Variants in NTM observed in about 807,000 individuals in gnomAD.
NTM encodes the protein IgLON family member 2.
A neutral mutation model predicts 42.1 loss-of-function variants in NTM; 13 were observed. The ratio of observed to expected loss-of-function variants is 0.31; its 90% CI spans 0.20 to 0.49. The LOEUF (loss-of-function observed/expected upper bound fraction) is 0.49. Ranked by LOEUF, NTM falls within the 20% of genes least tolerant of loss-of-function variation. The probability of loss-of-function intolerance (pLI) is 0.99; values close to 1 mark genes in which losing one functional copy is unlikely to be tolerated. For synonymous variants in NTM, 187 were observed against 179.2 expected, an observed-to-expected ratio of 1.04 and a Z score of -0.35; for missense variants, 373 against 452.8, an observed-to-expected ratio of 0.82 and a Z score of 1.60.
intron 1 of NTM, among the ~76,000 whole-genome samples, chr11:131,848,866 C>A (rs1352066397): frequency 1.3e-5 from 2 of 152,136 alleles, no homozygotes; most frequent in African/African-American, 4.8e-5. Flanking sequence ...GTTTTTCTCA[C>A]AAACCAGGGA....
chr11:131,998,872 C>T (rs751270418), intron 2 of NTM, among the ~76,000 whole-genome samples: 10 of 152,106 alleles, frequency 6.6e-5, no homozygotes, highest in East Asian at 1.9e-4. Flanking sequence ...ACCATACCAG[C>T]GTGGGTATTA....
chr11:131,959,641 C>T (rs2061924467), intron 2 of NTM, among the ~76,000 whole-genome samples: 1 of 152,070 alleles, frequency 6.6e-6, no homozygotes, highest in Admixed American at 6.5e-5. Context: ...CAATACTTTA[C>T]CTTGTTTTCC....
At chr11:132,040,986 A>G (rs777727912) in intron 2 of NTM, among the ~76,000 whole-genome samples, 1 of 152,222 alleles carries the variant, frequency 6.6e-6, no homozygotes, top group Admixed American at 6.5e-5. Context: ...TTGCAGAAGT[A>G]CCTAAGACAA....
intron 1 of NTM, among the ~76,000 whole-genome samples, chr11:131,638,417 T>C (rs914113783): frequency 6.6e-6 from 1 of 151,664 alleles, no homozygotes; most frequent in African/African-American, 2.4e-5. Context: ...AACACAAAAA[T>C]TAGCCGGGCA....
chr11:131,567,518 C>A (rs1248942984), intron 1 of NTM, among the ~76,000 whole-genome samples: 3 of 151,992 alleles, frequency 2.0e-5, no homozygotes, highest in Non-Finnish European at 4.4e-5. Flanking sequence ...TAGAGTCTGG[C>A]CAGAGATACC....
At chr11:131,478,329 A>G (rs1443335785) in intron 1 of NTM, among the ~76,000 whole-genome samples, 1 of 152,174 alleles carries the variant, frequency 6.6e-6, no homozygotes, top group Non-Finnish European at 1.5e-5. Context: ...ATTACCCCCT[A>G]CAGGGCACAC....
intron 1 of NTM, among the ~76,000 whole-genome samples, chr11:131,819,436 A>T (rs1384405129): frequency 6.6e-6 from 1 of 152,210 alleles, no homozygotes; most frequent in East Asian, 1.9e-4. Context: ...GCTCACTCAC[A>T]TACCCGCTCA....
intron 1 of NTM, among the ~76,000 whole-genome samples, chr11:131,806,159 C>T (rs1026270311): frequency 2.3e-4 from 35 of 152,016 alleles, no homozygotes; most frequent in Non-Finnish European, 4.1e-4. Flanking sequence ...AGATTACCTG[C>T]TAAATTCCAT....
chr11:131,448,978 A>G (rs534217108), intron 1 of NTM, among the ~76,000 whole-genome samples: 1 of 152,284 alleles, frequency 6.6e-6, no homozygotes, highest in Non-Finnish European at 1.5e-5. Context: ...ACCCTCTAGG[A>G]GACAGCAGCA....
At chr11:131,845,771 G>T (rs918200113) in intron 1 of NTM, among the ~76,000 whole-genome samples, 1 of 150,346 alleles carries the variant, frequency 6.7e-6, no homozygotes, top group East Asian at 2.0e-4. Context: ...AAAAATAAAA[G>T]AAAAAAGACA....
chr11:131,757,654 G>A (rs1454264604), intron 1 of NTM, among the ~76,000 whole-genome samples: 1 of 152,148 alleles, frequency 6.6e-6, no homozygotes, highest in African/African-American at 2.4e-5. Flanking sequence ...TCGTCCACTG[G>A]AGACACTGAT....
At chr11:132,046,355 T>C (rs1174731516) in intron 2 of NTM, among the ~76,000 whole-genome samples, 3 of 149,728 alleles carry the variant, frequency 2.0e-5, no homozygotes, top group Non-Finnish European at 3.0e-5. Context: ...AACTAACTGT[T>C]TTAAGTAAAA....
intron 1 of NTM, among the ~76,000 whole-genome samples, chr11:131,890,146 C>G (rs200500109): frequency 1.5e-5 from 1 of 65,646 alleles, no homozygotes; most frequent in Non-Finnish European, 2.9e-5. Flanking sequence ...CCCTCTCTCT[C>G]TCTCTCTCTG....
intron 2 of NTM, among the ~76,000 whole-genome samples, chr11:132,082,275 A>C (rs1165921740): frequency 6.6e-6 from 1 of 152,070 alleles, no homozygotes; most frequent in Non-Finnish European, 1.5e-5. Flanking sequence ...GGAGGGTGGA[A>C]TTTATTAAGT....
intron 1 of NTM, among the ~76,000 whole-genome samples, chr11:131,909,323 T>C (rs530855751): frequency 1.3e-5 from 2 of 152,332 alleles, no homozygotes; most frequent in Admixed American, 6.5e-5. Flanking sequence ...ATGTAAGTGA[T>C]TGGTACTGCT....
intron 1 of NTM, among the ~76,000 whole-genome samples, chr11:131,792,986 T>C (rs1030601578): frequency 1.3e-5 from 2 of 152,184 alleles, no homozygotes; most frequent in African/African-American, 4.8e-5. Flanking sequence ...CAGAGAGCAG[T>C]TAGGGAAATG....
rs75089110 is a variant in NTM, at chr11:132,048,074, G to C, written c.168-98208G>C. On this transcript the variant is annotated intron_variant, in intron 2 of 8. Coordinates refer to ENST00000683400, the MANE Select transcript of NTM (RefSeq NM_001352005.2). The stretch of plus-strand genomic sequence containing the variant: ...CATGCTTGCATGCCTGCTCTGCTTA[G>C]CTATGTTTAAACTGTTAGAAAGAAG... Among the ~76,000 whole-genome samples the C allele has an allele frequency of 5.5e-3, 836 of 152,086 alleles. 1 individual carries two copies. Among genetic ancestry groups the C allele is most frequent in the Non-Finnish European group, 8.9e-3 (607 of 67,996 alleles).
At chr11:132,069,920 C>T (rs1337547633) in intron 2 of NTM, among the ~76,000 whole-genome samples, 1 of 149,542 alleles carries the variant, frequency 6.7e-6, no homozygotes, top group Non-Finnish European at 1.5e-5. Flanking sequence ...CAAAACACGT[C>T]AAACTGACCA....
At chr11:131,551,422 A>T (rs1009515560) in intron 1 of NTM, among the ~76,000 whole-genome samples, 3 of 132,648 alleles carry the variant, frequency 2.3e-5, no homozygotes, top group Non-Finnish European at 4.7e-5. Context: ...AGGTTCCTCC[A>T]AAAAAAAAAA....
Sources: allele counts gnomAD v4.1 joint callset (sites outside exome capture counted in the v4.1 genomes callset), GRCh38; gene constraint gnomAD v4.1.1; transcripts MANE v1.5; gene names NCBI Gene and HGNC (gene_info 2026-07-23, HGNC 2026-07-21).